Variants in ZNF208 observed in about 807,000 individuals in gnomAD.
The protein encoded by ZNF208 is zinc finger protein 208.
ZNF208 carries 10 observed loss-of-function variants against 12.1 expected under a neutral mutation model. The observed-to-expected ratio is 0.83, with a 90% CI of 0.51 to 1.40. The LOEUF (loss-of-function observed/expected upper bound fraction) is 1.40. Among genes scored for constraint, ZNF208 ranks in the 40% most tolerant of loss-of-function variants. ZNF208 has a pLI of 0.00. For missense variants in ZNF208, 1,652 were observed against 1,485.0 expected, an observed-to-expected ratio of 1.11 and a Z score of -1.85; for synonymous variants, 497 against 488.4, an observed-to-expected ratio of 1.02 and a Z score of -0.23.
chr19:21,952,818 C>A (rs1969912353), intron 4 of ZNF208, among the ~76,000 whole-genome samples: 1 of 152,168 alleles, frequency 6.6e-6, no homozygotes, highest in African/African-American at 2.4e-5. Context: ...TGGAGAATGA[C>A]TTTGCTGAGT....
chr19:21,949,965 T>G (rs1035506165), intron 4 of ZNF208, among the ~76,000 whole-genome samples: 4 of 152,212 alleles, frequency 2.6e-5, no homozygotes, highest in Non-Finnish European at 5.9e-5. Flanking sequence ...TGCAGTCTGG[T>G]TAAAAACCTG....
chr19:21,994,906 C>A (rs1970802711), intron 1 of ZNF208, among the ~76,000 whole-genome samples: 1 of 151,492 alleles, frequency 6.6e-6, no homozygotes, highest in Non-Finnish European at 1.5e-5. Flanking sequence ...GTCTAGACTA[C>A]AACTTCCAGG....
chr19:22,003,747 T>C (rs1970996636), intron 1 of ZNF208, among the ~76,000 whole-genome samples: 1 of 152,174 alleles, frequency 6.6e-6, no homozygotes, highest in Non-Finnish European at 1.5e-5. Flanking sequence ...CACAATTGGG[T>C]ATATACCTAA....
Position 21,974,753 on chromosome 19 carries a change from G to C in ZNF208, c.281C>G (p.Ser94Cys), listed in dbSNP as rs1233383518. The stretch of plus-strand genomic sequence containing the variant: ...CCTTCTCAATATCACTTTTTGGAAA[G>C]AATCTTCTATGCCCTGCTCTGGCCA... ...DLWPEQGIEDSFQKVILRRYE... is the reference protein window; with the variant it reads ...DLWPEQGIEDCFQKVILRRYE... The change falls in exon 4 of 4, where the codon TCT becomes TGT. Residue 94 changes from serine (S) to cysteine (C), a missense_variant. Coordinates refer to ENST00000397126, the MANE Select transcript of ZNF208 (RefSeq NM_007153.3). 1.9e-5 allele frequency: 30 copies of C among 1,609,582 alleles called. No individual in the cohort carries two copies. Among genetic ancestry groups the C allele is most frequent in the Non-Finnish European group, 2.5e-5 (29 of 1,177,920 alleles).
rs372731379 is a variant in ZNF208, at chr19:21,970,722, T to C, written c.*469A>G. 9.0e-6 allele frequency: 11 copies of C among 1,220,642 alleles called. No individual in the cohort carries two copies. Among genetic ancestry groups the C allele is most frequent in the South Asian group, 2.4e-5 (2 of 82,894 alleles). The allele number at this position is 1,220,642 out of a possible 1,614,324, so 75.6% of individuals were successfully genotyped here. A position where few individuals can be genotyped will look rare whatever the true frequency, so the allele number is the denominator to read the frequency against. On this transcript the variant is annotated 3_prime_UTR_variant, in exon 4 of 4. Transcript: ENST00000397126. ...TCTCTCCAGCATGAATTTTCTTATG[T>C]GTAGGAGGGTTGGGAACTGTTTAAA...
At position 21,971,161 on chromosome 19, in the gene ZNF208, C is replaced by G; in HGVS notation, c.*30G>C. 1 of 1,611,320 alleles carries G rather than the reference C, an allele frequency of 6.2e-7. No homozygotes were observed. The highest frequency in any genetic ancestry group is 8.5e-7 in the Non-Finnish European group (1 of 1,179,178). On this transcript the variant is annotated 3_prime_UTR_variant, in exon 4 of 4. Coordinates refer to ENST00000397126, the MANE Select transcript of ZNF208 (RefSeq NM_007153.3). Reference sequence around the variant, plus strand: ...TATGATAACTAAGGGTTGAGGGCCACTTATAGGCTTTGCCACATTCTTCAC... The same window carrying G: ...TATGATAACTAAGGGTTGAGGGCCAGTTATAGGCTTTGCCACATTCTTCAC...
chr19:21,980,686 C>G (rs1370062876), intron 3 of ZNF208, among the ~76,000 whole-genome samples: 1 of 151,916 alleles, frequency 6.6e-6, no homozygotes, highest in East Asian at 1.9e-4. Context: ...CAAATTCAAA[C>G]CCTAGCAGAA....
intron 4 of ZNF208, among the ~76,000 whole-genome samples, chr19:21,957,376 A>G (rs1969992789): frequency 6.6e-6 from 1 of 152,160 alleles, no homozygotes; most frequent in Non-Finnish European, 1.5e-5. Flanking sequence ...TACAACAGAA[A>G]AACGCTAGTT....
At chr19:21,940,182 A>C (rs2145506298) in intron 4 of ZNF208, 1 of 152,246 alleles carries the variant, frequency 6.6e-6, no homozygotes, top group East Asian at 1.9e-4. Context: ...TCTCCATTTT[A>C]TCTCCTAAAG....
intron 1 of ZNF208, chr19:21,998,123 A>G (rs1970873851): frequency 7.1e-6 from 1 of 140,964 alleles, no homozygotes; most frequent in Non-Finnish European, 1.5e-5. Context: ...TCAGCAAAAA[A>G]AAAAATTTTT....
At chr19:21,949,952 A>G (rs1465359333) in intron 4 of ZNF208, among the ~76,000 whole-genome samples, 1 of 152,210 alleles carries the variant, frequency 6.6e-6, no homozygotes, top group Admixed American at 6.5e-5. Flanking sequence ...TGCTAAGGTG[A>G]TCTGCAGTCT....
intron 4 of ZNF208, among the ~76,000 whole-genome samples, chr19:21,942,598 G>A (rs1448645562): frequency 6.6e-6 from 1 of 152,084 alleles, no homozygotes; most frequent in Non-Finnish European, 1.5e-5. Flanking sequence ...AATCAGTGTA[G>A]GTGCCAGATT....
intron 4 of ZNF208, among the ~76,000 whole-genome samples, chr19:21,942,923 A>C (rs1214669980): frequency 6.6e-6 from 1 of 152,222 alleles, no homozygotes; most frequent in Non-Finnish European, 1.5e-5. Flanking sequence ...TGCTAGGATT[A>C]CAGGTGTGAG....
intron 1 of ZNF208, among the ~76,000 whole-genome samples, chr19:21,990,408 A>C (rs1729361939): frequency 6.7e-6 from 1 of 149,176 alleles, no homozygotes; most frequent in African/African-American, 2.5e-5. Flanking sequence ...ATCCAGCATT[A>C]TTTCTGAGGG....
chr19:21,952,823 C>T (rs1481401539), intron 4 of ZNF208, among the ~76,000 whole-genome samples: 1 of 152,098 alleles, frequency 6.6e-6, no homozygotes, highest in African/African-American at 2.4e-5. Context: ...AATGACTTTG[C>T]TGAGTTGACA....
At chr19:21,993,255 A>G (rs1970773596) in intron 1 of ZNF208, among the ~76,000 whole-genome samples, 1 of 152,190 alleles carries the variant, frequency 6.6e-6, no homozygotes, top group Non-Finnish European at 1.5e-5. Context: ...AATATGGGCC[A>G]CGCTGTACTG....
At chr19:21,954,718 CTA>C (rs780982331) in intron 4 of ZNF208, among the ~76,000 whole-genome samples, 1 of 152,148 alleles carries the variant, frequency 6.6e-6, no homozygotes, top group Non-Finnish European at 1.5e-5. Context: ...TATTTTGAGC[CTA>C]TGTGTGTCTC....
Position 21,968,522 on chromosome 19 carries a change from T to C in ZNF208, c.*2669A>G, listed in dbSNP as rs1427930904. On this transcript the variant is annotated 3_prime_UTR_variant, in exon 4 of 4. Coordinates refer to ENST00000397126, the MANE Select transcript of ZNF208 (RefSeq NM_007153.3). The stretch of plus-strand genomic sequence containing the variant: ...ACTTCCATATCATGAAACACCTTCA[T>C]ATATATGGAAAAGCTCACATTAATG... The C allele has an allele frequency of 6.6e-6, 1 of 152,164 alleles. No homozygotes were observed. The highest frequency in any genetic ancestry group is 1.5e-5 in the Non-Finnish European group (1 of 68,016). 9.4% of individuals were successfully genotyped at this position (152,164 alleles called of 1,614,324 possible).
At chr19:21,963,979 TAA>T (rs879272018), downstream of ZNF208, among the ~76,000 whole-genome samples, 3 of 151,892 alleles carry the variant, frequency 2.0e-5, no homozygotes, top group Non-Finnish European at 4.4e-5. Flanking sequence ...TCAAAATAAC[TAA>T]GAGTAAATTT....
Sources: allele counts gnomAD v4.1 joint callset (sites outside exome capture counted in the v4.1 genomes callset), GRCh38; gene constraint gnomAD v4.1.1; transcripts MANE v1.5; gene names NCBI Gene and HGNC (gene_info 2026-07-23, HGNC 2026-07-21).